HSPG2: variants seen among roughly 807,000 people sequenced by gnomAD.
HSPG2 encodes the protein heparan sulfate proteoglycan 2.
In HSPG2, 278 loss-of-function variants were observed where a neutral mutation model predicts 526.6. That is an observed-to-expected ratio of 0.53 (90% CI 0.48 to 0.58). The LOEUF (loss-of-function observed/expected upper bound fraction) is 0.58, where lower values mean the gene tolerates loss of function less well. Ranked by LOEUF, HSPG2 falls within the 20% of genes least tolerant of loss-of-function variation. The pLI, the probability that HSPG2 is intolerant of heterozygous loss-of-function variation, is 0.00. For missense variants in HSPG2, 5,354 were observed against 6,099.5 expected (o/e 0.88, Z 4.07); for synonymous variants, 2,465 against 2,555.4 (o/e 0.96, Z 1.07).
At chr1:21,856,949 G>C in intron 44 of HSPG2, 66 bp downstream of exon 44, 3 of 1,489,838 alleles carry the variant, frequency 2.0e-6, no homozygotes, top group Non-Finnish European at 2.8e-6. Context: ...AAGAAATGCT[G>C]TGCTAATTCT....
Position 21,904,637 on chromosome 1 carries a change from G to A in HSPG2, c.64-8327C>T, listed in dbSNP as rs991788278. 2.0e-5 allele frequency among the ~76,000 whole-genome samples: 3 copies of A among 152,222 alleles called. No individual in the cohort carries two copies. The highest frequency in any genetic ancestry group is 2.0e-4 in the Admixed American group (3 of 15,288). On this transcript the variant is annotated intron_variant, in intron 1 of 96. Coordinates refer to ENST00000374695, the MANE Select transcript of HSPG2 (RefSeq NM_005529.7). The surrounding 1 kb of genome is among the most constrained non-coding windows in gnomAD (Gnocchi z 4.4). ...GCTTACAGGGAACCAGGAAGCCACC[G>A]GGAAATGCCCTTGCCTCACCCATGT...
intron 25 of HSPG2, 181 bp from the exon 26 acceptor site, chr1:21,875,183 CT>C (rs1572323048): frequency 1.5e-6 from 1 of 649,346 alleles, no homozygotes; most frequent in East Asian, 2.7e-5. Context: ...CTGCAACTTA[CT>C]CCAAACCATC....
Position 21,831,455 on chromosome 1 carries a change from G to T in HSPG2, c.11452+8C>A, listed in dbSNP as rs765719947. 3 of 1,613,286 alleles carry T rather than the reference G, an allele frequency of 1.9e-6. No homozygotes were observed. In the African/African-American group the frequency reaches 4.0e-5, roughly 22 times the overall value. ...CCAGCCTCAGCTGGAGGTGGGGAGG[G>T]GGCTCACCTATGAAGCCGCTGCTCA... On this transcript the variant is annotated splice_region_variant and intron_variant, in intron 83 of 96. Transcript: ENST00000374695.
Position 21,829,022 on chromosome 1 carries a change from G to A in HSPG2, c.12050C>T (p.Ser4017Phe), listed in dbSNP as rs2097989863. Reference protein sequence around the residue: ...PLALGRWHRVSAERLNKDGSL... With the variant: ...PLALGRWHRVFAERLNKDGSL... ...GCCGTCCTTGTTGAGACGCTCTGCA[G>A]ACACACGGTGCCAGCGGCCCAGGGC... The change falls in exon 88 of 97, where the codon TCT becomes TTT. Residue 4017 changes from serine to phenylalanine, a missense_variant. Physicochemically the swap from Ser to Phe is radical, Grantham distance 155 (BLOSUM62 -2). Transcript: ENST00000374695. The A allele has an allele frequency of 6.4e-7, 1 of 1,555,282 alleles. No homozygotes were observed. Among genetic ancestry groups the A allele is most frequent in the Non-Finnish European group, 8.7e-7 (1 of 1,150,516 alleles).
In HSPG2 at chr1:21,824,913, C is replaced by T. The variant is rs755057678; in HGVS notation, c.12590-134G>A. 83 of 789,342 alleles carry T rather than the reference C, an allele frequency of 1.1e-4. No individual in the cohort carries two copies. The highest frequency in any genetic ancestry group is 1.7e-4 in the Non-Finnish European group (77 of 457,074). The allele number at this position is 789,342 out of a possible 1,614,324, so 48.9% of individuals were successfully genotyped here. ...CGAGCCTGCAGTCCCTGGGGACCCA[C>T]GGGGGCTGCCAACAGAATTCAGGGA... On this transcript the variant is annotated intron_variant, in intron 91 of 96. Coordinates refer to ENST00000374695, the MANE Select transcript of HSPG2 (RefSeq NM_005529.7). This position sits in a 1 kb window ranked among gnomAD's most constrained non-coding sequence, Gnocchi z 5.9.
At chr1:21,919,425 C>CAAA (rs36109631) in intron 1 of HSPG2, among the ~76,000 whole-genome samples, 6 of 118,874 alleles carry the variant, frequency 5.0e-5, no homozygotes, top group Non-Finnish European at 5.0e-5. Context: ...GACCCTGTCT[C>CAAA]AAAAAAAAAA....
At chr1:21,866,534 T>C (rs1640247823) in intron 33 of HSPG2, among the ~76,000 whole-genome samples, 1 of 152,208 alleles carries the variant, frequency 6.6e-6, no homozygotes, top group Admixed American at 6.5e-5. Context: ...GATAAAGCCC[T>C]AATGAGCCCC....
At chr1:21,873,166 C>T (rs1173300256) in intron 30 of HSPG2, 75 bp from the exon 31 acceptor site, 1 of 1,317,146 alleles carries the variant, frequency 7.6e-7, no homozygotes, top group Admixed American at 1.7e-5. Context: ...CTCTGCTCAC[C>T]ACTGAGCGGG....
chr1:21,908,818 A>C (rs1274323570), intron 1 of HSPG2, among the ~76,000 whole-genome samples: 1 of 152,226 alleles, frequency 6.6e-6, no homozygotes, highest in East Asian at 1.9e-4. Flanking sequence ...AACAGGGCTA[A>C]AGGAGGGGAT....
intron 75 of HSPG2, among the ~76,000 whole-genome samples, chr1:21,836,314 T>A (rs1230069968): frequency 1.3e-5 from 2 of 152,132 alleles, no homozygotes; most frequent in African/African-American, 4.8e-5. Flanking sequence ...CTTCAGACAA[T>A]CTCCTTTCAG....
chr1:21,889,082 C>T (rs149219917), intron 6 of HSPG2, among the ~76,000 whole-genome samples: 4 of 152,244 alleles, frequency 2.6e-5, no homozygotes, highest in South Asian at 4.1e-4. Context: ...CGCACCACCA[C>T]GCTTGGCTTT....
rs761523501 is a variant in HSPG2 at position 21,881,423 on chromosome 1, G to A, written c.1734C>T (p.His578=). 1.4e-5 allele frequency: 22 copies of A among 1,614,022 alleles called. No homozygotes were observed. Among genetic ancestry groups the A allele is most frequent in the Non-Finnish European group, 1.9e-5 (22 of 1,180,030 alleles). ...GGGACAGGTCGACTAGCTGGAACTC[G>A]TGCAGGGATGGGTCGATCTGCAGCT... ...STQLQIDPSL[H]EFQLVDLSRR... Residue 578 remains histidine (H), a synonymous_variant, in exon 14 of 97, where the codon CAC becomes CAT. Transcript: ENST00000374695.
chr1:21,900,981 T>G (rs1323677848), intron 1 of HSPG2, among the ~76,000 whole-genome samples: 1 of 151,924 alleles, frequency 6.6e-6, no homozygotes, highest in South Asian at 2.1e-4. Context: ...GAGGGAAGAG[T>G]CCTGTGTTTC....
chr1:21,898,859 G>A lies in HSPG2; in HGVS notation c.64-2549C>T, dbSNP rs1012573088. Among the ~76,000 whole-genome samples the A allele has an allele frequency of 3.3e-5, 5 of 152,226 alleles. No homozygotes were observed. Among genetic ancestry groups the A allele is most frequent in the East Asian group, 1.9e-4 (1 of 5,196 alleles). The stretch of plus-strand genomic sequence containing the variant: ...CTCCCAGCATCTCCTAGACACTGCC[G>A]TCTGGAAAGGAAAACCTAGCGGTGA... On this transcript the variant is annotated intron_variant, in intron 1 of 96. Coordinates refer to ENST00000374695, the MANE Select transcript of HSPG2 (RefSeq NM_005529.7). This position sits in a 1 kb window ranked among gnomAD's most constrained non-coding sequence, Gnocchi z 4.0.
chr1:21,857,460 A>G, intron 42 of HSPG2, 75 bp from the exon 43 acceptor site: 3 of 1,319,430 alleles, frequency 2.3e-6, no homozygotes, highest in Non-Finnish European at 3.2e-6. Context: ...GTCTTTCTCC[A>G]TAACCTCTAG....
rs576753854 is a variant in HSPG2, at chr1:21,876,994, G to T, written c.2686-342C>A. 6.3e-5 allele frequency among the ~76,000 whole-genome samples: 9 copies of T among 143,508 alleles called. No homozygotes were observed. In the South Asian group the frequency reaches 1.8e-3, roughly 28 times the overall value. The allele number at this position is 143,508 out of a possible 152,430, so 94.1% of individuals were successfully genotyped here. On this transcript the variant is annotated intron_variant, in intron 21 of 96. Transcript: ENST00000374695. ...GAATTGTTTGAAACCGGGAGGTGGAGGTTGCAGTGAGCCGAGATCGCGCCA... is the reference window on the plus strand; with the variant it reads ...GAATTGTTTGAAACCGGGAGGTGGATGTTGCAGTGAGCCGAGATCGCGCCA...
chr1:21,847,695 T>C lies in HSPG2; in HGVS notation c.8019A>G (p.Arg2673=). ...CTGTGGCTCCACTCTGTACCTGGTG[T>C]CGGGAGGGAAGGCTGCCCCCACGCT... ...WYKRGGSLPS[R]HQTHGSHLRL... The change falls in exon 61 of 97, where the codon CGA becomes CGG. Residue 2673 remains arginine, a synonymous_variant. Coordinates refer to ENST00000374695, the MANE Select transcript of HSPG2 (RefSeq NM_005529.7). The surrounding 1 kb of genome is among the most constrained non-coding windows in gnomAD (Gnocchi z 4.1). 6.2e-7 allele frequency: 1 copy of C among 1,607,790 alleles called. No individual in the cohort carries two copies. Among genetic ancestry groups the C allele is most frequent in the East Asian group, 2.2e-5 (1 of 44,526 alleles).
At chr1:21,896,588 G>C (rs1401912678) in intron 1 of HSPG2, among the ~76,000 whole-genome samples, 1 of 152,190 alleles carries the variant, frequency 6.6e-6, no homozygotes, top group East Asian at 1.9e-4. Context: ...ACTTTGGTAA[G>C]TAAAGACTCC....
At position 21,847,837 on chromosome 1, in the gene HSPG2, G is replaced by C; in HGVS notation, c.7877C>G (p.Pro2626Arg). 6.2e-7 allele frequency: 1 copy of C among 1,613,910 alleles called. No individual in the cohort carries two copies. The highest frequency in any genetic ancestry group is 8.5e-7 in the Non-Finnish European group (1 of 1,180,020). Reference sequence around the variant, plus strand: ...GATCCTGATCGGTGGGGAGACGCTGGGCACTGGGGACAGACGGGTGTGGAC... The same window carrying C: ...GATCCTGATCGGTGGGGAGACGCTGCGCACTGGGGACAGACGGGTGTGGAC... ...TIQGSGSSHV[P>R]SVSPPIRIES... is the part of the protein sequence containing the mutation. The change falls in exon 61 of 97, where the codon CCC (proline) becomes CGC (arginine). Residue 2626 changes from proline (P) to arginine (R), a missense_variant. Transcript: ENST00000374695. This position sits in a 1 kb window ranked among gnomAD's most constrained non-coding sequence, Gnocchi z 4.1.
Sources: gnomAD v4.1 joint callset for allele counts (sites outside exome capture counted in the v4.1 genomes callset) on GRCh38, gnomAD v4.1.1 for gene constraint, Gnocchi (gnomAD v3.1) non-coding constraint, MANE v1.5 for transcripts, NCBI Gene and HGNC (gene_info 2026-07-23, HGNC 2026-07-21) for gene names.